TMEM132C: variants seen among roughly 807,000 people sequenced by gnomAD.
TMEM132C encodes the protein protein phosphatase 1, regulatory subunit 152.
In TMEM132C, 29 loss-of-function variants were observed where a neutral mutation model predicts 61.4. That is an observed-to-expected ratio of 0.47 (90% CI 0.35 to 0.64). The LOEUF is 0.64. Among genes scored for constraint, TMEM132C ranks in the 30% least tolerant of loss-of-function variants. The pLI is 0.00. For missense variants in TMEM132C, 1,408 were observed against 1,476.9 expected, an observed-to-expected ratio of 0.95 and a Z score of 0.76; for synonymous variants, 656 against 633.1, an observed-to-expected ratio of 1.04 and a Z score of -0.54.
chr12:128,704,020 G>C (rs952391070), intron 8 of TMEM132C, among the ~76,000 whole-genome samples: 2 of 152,188 alleles, frequency 1.3e-5, no homozygotes, highest in African/African-American at 2.4e-5. Flanking sequence ...AAAGGGGAGA[G>C]GATGTCATTA....
In TMEM132C at chr12:128,444,229, C is replaced by G. The variant is rs1180219952; in HGVS notation, c.974+28609C>G. Among the ~76,000 whole-genome samples, 3 of 152,210 alleles carry G rather than the reference C, an allele frequency of 2.0e-5. No individual in the cohort carries two copies. In the East Asian group the frequency reaches 5.8e-4, roughly 29 times the overall value. On this transcript the variant is annotated intron_variant, in intron 2 of 8. Transcript: ENST00000435159. ...GCCACCGCGCCCAGCCCGATCTCTC[C>G]TTCTTCAAGTTCTTTGTAGCGTTCT...
At chr12:128,532,640 C>CAAAAAAAAAAAA in intron 2 of TMEM132C, among the ~76,000 whole-genome samples, 1 of 67,172 alleles carries the variant, frequency 1.5e-5, no homozygotes, top group Non-Finnish European at 2.5e-5. Flanking sequence ...GACTCCATCT[C>CAAAAAAAAAAAA]AAAAAAAAAA....
intron 1 of TMEM132C, among the ~76,000 whole-genome samples, chr12:128,285,327 A>G (rs1048641585): frequency 3.9e-5 from 6 of 152,198 alleles, no homozygotes; most frequent in Non-Finnish European, 8.8e-5. Flanking sequence ...TCAGAATATC[A>G]TATTGTACCC....
At chr12:128,514,169 G>A (rs115197596) in intron 2 of TMEM132C, among the ~76,000 whole-genome samples, 1,731 of 152,254 alleles carry the variant, frequency 0.011, 31 homozygotes, top group African/African-American at 0.039. Flanking sequence ...CCAAGTTGGC[G>A]GCACCCCTGA....
At chr12:128,314,445 A>G (rs1341559978) in intron 1 of TMEM132C, among the ~76,000 whole-genome samples, 1 of 152,330 alleles carries the variant, frequency 6.6e-6, no homozygotes, top group East Asian at 1.9e-4. Context: ...TTAAGAGCCT[A>G]CCATCTGGCA....
chr12:128,521,414 A>C (rs1052865357), intron 2 of TMEM132C, among the ~76,000 whole-genome samples: 4 of 151,744 alleles, frequency 2.6e-5, no homozygotes, highest in Non-Finnish European at 5.9e-5. Flanking sequence ...CATCATTTAC[A>C]TTAGGTATTC....
chr12:128,295,944 G>T (rs1413436614), intron 1 of TMEM132C, among the ~76,000 whole-genome samples: 1 of 152,100 alleles, frequency 6.6e-6, no homozygotes, highest in Non-Finnish European at 1.5e-5. Flanking sequence ...GTTGTAATGG[G>T]ATATTCAACA....
Position 128,524,613 on chromosome 12 carries a change from G to A in TMEM132C, c.975-19344G>A, listed in dbSNP as rs543599183. On this transcript the variant is annotated intron_variant, in intron 2 of 8. Coordinates refer to ENST00000435159, the MANE Select transcript of TMEM132C (RefSeq NM_001136103.3). ...TAATTTGTGAATTGGGAGAAAACAA[G>A]CCTACTCATTAAAATTCCACCGTGA... Among the ~76,000 whole-genome samples, 6 of 152,252 alleles carry A rather than the reference G, an allele frequency of 3.9e-5. No homozygotes were observed. In the South Asian group the frequency reaches 1.2e-3, roughly 32 times the overall value.
At chr12:128,447,708 T>C (rs1565939164) in intron 2 of TMEM132C, among the ~76,000 whole-genome samples, 1 of 88,358 alleles carries the variant, frequency 1.1e-5, no homozygotes, top group Non-Finnish European at 2.2e-5. Context: ...TCAAGTGCTT[T>C]TTTTTTTTTT....
intron 5 of TMEM132C, among the ~76,000 whole-genome samples, chr12:128,689,435 C>T (rs749205580): frequency 3.3e-4 from 50 of 152,072 alleles, no homozygotes; most frequent in Admixed American, 2.1e-3. Context: ...AGATGTGAAG[C>T]GGGATTGTCA....
At chr12:128,694,536 G>T (rs900050698) in intron 6 of TMEM132C, among the ~76,000 whole-genome samples, 2 of 152,160 alleles carry the variant, frequency 1.3e-5, no homozygotes, top group African/African-American at 4.8e-5. Flanking sequence ...AGAGTATGGG[G>T]TCTTGTTTTC....
intron 4 of TMEM132C, among the ~76,000 whole-genome samples, chr12:128,668,236 G>A (rs191909188): frequency 1.7e-3 from 262 of 151,932 alleles, no homozygotes; most frequent in African/African-American, 6.0e-3. Context: ...GCAACATAGC[G>A]AGACCCCATA....
intron 5 of TMEM132C, among the ~76,000 whole-genome samples, chr12:128,677,675 TGCATGTGCCTTCC>T (rs1954603304): frequency 6.6e-6 from 1 of 152,192 alleles, no homozygotes. Context: ...TCCTCAGCCC[TGCATGTGCCTTCC>T]GCAGGACTCC....
chr12:128,395,618 C>T (rs1254304758), intron 1 of TMEM132C, among the ~76,000 whole-genome samples: 2 of 152,162 alleles, frequency 1.3e-5, no homozygotes, highest in African/African-American at 4.8e-5. Flanking sequence ...GCAAAATCAT[C>T]GAACACAAAG....
chr12:128,320,122 T>C (rs1872283486), intron 1 of TMEM132C, among the ~76,000 whole-genome samples: 1 of 152,212 alleles, frequency 6.6e-6, no homozygotes, highest in African/African-American at 2.4e-5. Context: ...CCTGTTTTTG[T>C]TTCTGTAGGT....
At chr12:128,340,207 G>T (rs1872911878) in intron 1 of TMEM132C, among the ~76,000 whole-genome samples, 1 of 152,144 alleles carries the variant, frequency 6.6e-6, no homozygotes, top group African/African-American at 2.4e-5. Flanking sequence ...TTAACAATTT[G>T]GAGACCTTGA....
intron 1 of TMEM132C, among the ~76,000 whole-genome samples, chr12:128,287,484 CATATCTATATCTATATCTATATCT>C (rs5801788): frequency 6.7e-6 from 1 of 150,054 alleles, no homozygotes; most frequent in East Asian, 2.0e-4. Flanking sequence ...CCTCTGTCTG[CATATCTATATCTATATCTATATCT>C]ATATCTATAT....
chr12:128,269,146 A>G (rs1297448936), intron 1 of TMEM132C, among the ~76,000 whole-genome samples: 2 of 152,126 alleles, frequency 1.3e-5, no homozygotes, highest in Non-Finnish European at 2.9e-5. Context: ...TCCCTTCCCA[A>G]CCTACCTCCC....
In TMEM132C at chr12:128,360,245, G is replaced by GACACAC. The variant is rs145728632; in HGVS notation, c.86-54456_86-54451dup. On this transcript the variant is annotated intron_variant, in intron 1 of 8. Transcript: ENST00000435159. Reference sequence around the variant, plus strand: ...TAACAATGTTAGATTGATAAAGGACGACACACACACACACACACACACACA... The same window carrying GACACAC: ...TAACAATGTTAGATTGATAAAGGACGACACACACACACACACACACACACACACACA... 4.7e-3 allele frequency among the ~76,000 whole-genome samples: 692 copies of GACACAC among 146,090 alleles called. 1 individual carries two copies. Among genetic ancestry groups the GACACAC allele is most frequent in the African/African-American group, 0.013 (515 of 39,196 alleles).
Sources: allele counts gnomAD v4.1 joint callset (sites outside exome capture counted in the v4.1 genomes callset), GRCh38; gene constraint gnomAD v4.1.1; transcripts MANE v1.5; gene names NCBI Gene and HGNC (gene_info 2026-07-23, HGNC 2026-07-21).